DGKB: variants seen among roughly 807,000 people sequenced by gnomAD.
The protein encoded by DGKB is diacylglycerol kinase beta, also known as 90 kDa diacylglycerol kinase.
In DGKB, 67 loss-of-function variants were observed where a neutral mutation model predicts 114.3. That is an observed-to-expected ratio of 0.59 (90% CI 0.48 to 0.72). DGKB has a LOEUF of 0.72. Among genes scored for constraint, DGKB ranks in the 30% least tolerant of loss-of-function variants. DGKB has a pLI of 0.00. For synonymous variants in DGKB, 398 were observed against 323.1 expected (o/e 1.23, Z -2.49); for missense variants, 907 against 975.2 (o/e 0.93, Z 0.93).
intron 21 of DGKB, among the ~76,000 whole-genome samples, chr7:14,462,392 A>T (rs1387857184): frequency 6.6e-6 from 1 of 152,208 alleles, no homozygotes; most frequent in Non-Finnish European, 1.5e-5. Flanking sequence ...TAAGCTGATA[A>T]GCAACTTCAG....
At chr7:14,585,892 C>T (rs763024402) in intron 17 of DGKB, among the ~76,000 whole-genome samples, 5 of 152,102 alleles carry the variant, frequency 3.3e-5, no homozygotes, top group Non-Finnish European at 7.4e-5. Context: ...AGACAGAGAA[C>T]ATAATTGTGA....
At chr7:14,933,880 G>A (rs185662105) in intron 1 of DGKB, among the ~76,000 whole-genome samples, 7 of 152,004 alleles carry the variant, frequency 4.6e-5, no homozygotes, top group Admixed American at 3.3e-4. Flanking sequence ...ACAAAAAATT[G>A]CTTTTTTTTA....
At chr7:14,427,352 G>A (rs892089393) in intron 21 of DGKB, among the ~76,000 whole-genome samples, 1 of 152,046 alleles carries the variant, frequency 6.6e-6, no homozygotes, top group African/African-American at 2.4e-5. Context: ...ATCACTATCA[G>A]CAGTTTGGTC....
intron 4 of DGKB, among the ~76,000 whole-genome samples, chr7:14,745,524 A>G (rs1171822906): frequency 6.6e-6 from 1 of 152,244 alleles, no homozygotes; most frequent in Non-Finnish European, 1.5e-5. Flanking sequence ...TTGCCTAAGC[A>G]TGGTCACAGA....
intron 23 of DGKB, among the ~76,000 whole-genome samples, chr7:14,335,883 A>G (rs1317784515): frequency 6.6e-6 from 1 of 151,998 alleles, no homozygotes; most frequent in Non-Finnish European, 1.5e-5. Context: ...CCTTCTGAGT[A>G]GTTGGGACTG....
intron 23 of DGKB, among the ~76,000 whole-genome samples, chr7:14,290,670 A>T (rs1034922320): frequency 6.6e-6 from 1 of 152,168 alleles, no homozygotes; most frequent in African/African-American, 2.4e-5. Flanking sequence ...TACTCTTCAC[A>T]TGCTATTAGG....
chr7:14,455,927 T>C (rs543330245), intron 21 of DGKB, among the ~76,000 whole-genome samples: 32 of 152,128 alleles, frequency 2.1e-4, no homozygotes, highest in African/African-American at 7.2e-4. Context: ...TATAAATTTG[T>C]GCCTTCACTG....
chr7:14,796,330 C>T (rs1841399551), intron 2 of DGKB, among the ~76,000 whole-genome samples: 1 of 152,128 alleles, frequency 6.6e-6, no homozygotes. Context: ...ACACCATAGA[C>T]ACCTCAATTG....
At chr7:14,748,543 G>T (rs1434944030) in intron 4 of DGKB, among the ~76,000 whole-genome samples, 1 of 152,116 alleles carries the variant, frequency 6.6e-6, no homozygotes, top group Non-Finnish European at 1.5e-5. Context: ...GTGAGGAGGA[G>T]CAGGAAATTG....
At chr7:14,519,605 G>C (rs1789411782) in intron 20 of DGKB, among the ~76,000 whole-genome samples, 1 of 151,904 alleles carries the variant, frequency 6.6e-6, no homozygotes. Context: ...ATATTTCTAG[G>C]TGTAGAATTA....
chr7:14,286,221 G>A (rs146316164), intron 23 of DGKB, among the ~76,000 whole-genome samples: 6 of 152,216 alleles, frequency 3.9e-5, no homozygotes, highest in Non-Finnish European at 8.8e-5. Flanking sequence ...CTGTGAGTCA[G>A]CCTTGCCCAG....
At chr7:14,662,153 T>C (rs1406002343) in intron 13 of DGKB, among the ~76,000 whole-genome samples, 2 of 151,856 alleles carry the variant, frequency 1.3e-5, no homozygotes, top group Non-Finnish European at 2.9e-5. Context: ...CATGTATACA[T>C]ATGTAACTAA....
intron 16 of DGKB, 137 bp downstream of exon 16, chr7:14,613,203 A>G: frequency 3.3e-6 from 2 of 598,798 alleles, no homozygotes; most frequent in Middle Eastern, 4.4e-4. Context: ...ATATAAACAT[A>G]TTAAATGCTA....
At position 14,409,579 on chromosome 7, in the gene DGKB, C is replaced by T. The variant is rs1583717075; in HGVS notation, c.1836-64188G>A. 1.2e-4 allele frequency among the ~76,000 whole-genome samples: 6 copies of T among 51,204 alleles called. 3 individuals carry two copies. The South Asian group carries it at 4.0e-3, about 34-fold the overall frequency. The allele number at this position is 51,204 out of a possible 152,430, so 33.6% of individuals were successfully genotyped here. A position where few individuals can be genotyped will look rare whatever the true frequency, so the allele number is the denominator to read the frequency against. On this transcript the variant is annotated intron_variant, in intron 21 of 25. Coordinates refer to ENST00000402815, the MANE Select transcript of DGKB (RefSeq NM_001350709.2). ...AAAATTAGCCGGGCGCTGTGGCGGG[C>T]GCCTGTAGTCCCAGCTACTCGGGAG... is the stretch of plus-strand genomic sequence containing the variant.
intron 25 of DGKB, among the ~76,000 whole-genome samples, chr7:14,171,109 A>G (rs766508423): frequency 2.6e-5 from 4 of 152,202 alleles, no homozygotes; most frequent in Non-Finnish European, 2.9e-5. Context: ...GCTCAATTGC[A>G]CAATGAAGGT....
chr7:14,867,251 T>C (rs1851828519), intron 1 of DGKB, among the ~76,000 whole-genome samples: 1 of 152,174 alleles, frequency 6.6e-6, no homozygotes, highest in Non-Finnish European at 1.5e-5. Context: ...GTTTATCAAT[T>C]TTTTTCATGG....
At chr7:14,898,699 G>C (rs893649082) in intron 1 of DGKB, among the ~76,000 whole-genome samples, 3 of 152,050 alleles carry the variant, frequency 2.0e-5, no homozygotes, top group African/African-American at 4.8e-5. Context: ...AATGACAAGA[G>C]AATGAATCAG....
intron 25 of DGKB, among the ~76,000 whole-genome samples, chr7:14,165,339 A>G (rs1236939343): frequency 1.3e-5 from 2 of 152,190 alleles, no homozygotes; most frequent in African/African-American, 4.8e-5. Flanking sequence ...AAGAGTGGTA[A>G]GGTTGTACAA....
At chr7:14,964,637 G>C (rs1026571567) in intron 1 of DGKB, among the ~76,000 whole-genome samples, 10 of 152,136 alleles carry the variant, frequency 6.6e-5, no homozygotes, top group African/African-American at 2.4e-4. Context: ...ATCATAATTG[G>C]AAGTTTGTAA....
Sources: gnomAD v4.1 joint callset for allele counts (sites outside exome capture counted in the v4.1 genomes callset) on GRCh38, gnomAD v4.1.1 for gene constraint, MANE v1.5 for transcripts, NCBI Gene and HGNC (gene_info 2026-07-23, HGNC 2026-07-21) for gene names.